The following CALD1 variants were observed in gnomAD, a reference collection of about 807,000 sequenced individuals.
CALD1 encodes the protein caldesmon.
Under a neutral mutation model 99.9 loss-of-function variants are expected in CALD1, and 33 were observed. That is an observed-to-expected ratio of 0.33 (90% CI 0.25 to 0.44). The LOEUF (loss-of-function observed/expected upper bound fraction) is 0.44. Ranked by LOEUF, CALD1 falls within the 20% of genes least tolerant of loss-of-function variation. The probability of loss-of-function intolerance (pLI) is 1.00; values close to 1 mark genes in which losing one functional copy is unlikely to be tolerated. For missense variants in CALD1, 861 were observed against 962.1 expected (o/e 0.89, Z 1.39); for synonymous variants, 310 against 325.0 (o/e 0.95, Z 0.50).
Position 134,947,649 on chromosome 7 carries a change from G to C in CALD1, c.1674G>C (p.Gln558His). 6.3e-7 allele frequency: 1 copy of C among 1,579,800 alleles called. No individual in the cohort carries two copies. Among genetic ancestry groups the C allele is most frequent in the Middle Eastern group, 1.7e-4 (1 of 6,012 alleles). The part of the protein sequence containing the change: ...SEEFEKLKQK[Q>H]QEAALELEEL... The stretch of plus-strand genomic sequence containing the variant: ...AGTTCGAGAAGCTCAAACAGAAGCA[G>C]CAGGAGGCGGCTTTGGAGCTGGAGG... Residue 558 changes from glutamine (Q) to histidine (H), a missense_variant, in exon 8 of 15, where the codon CAG becomes CAC. By Grantham distance (24) the Gln-to-His change is conservative. Around this residue, in one of 5 missense-constraint regions of CALD1, gnomAD observed 293 missense variants for 262.7 expected, o/e 1.12. Transcript: ENST00000361675.
intron 3 of CALD1, among the ~76,000 whole-genome samples, chr7:134,871,797 A>G (rs1801093087): frequency 6.6e-6 from 1 of 152,234 alleles, no homozygotes; most frequent in Non-Finnish European, 1.5e-5. Context: ...CTTTGAAATG[A>G]TAAATAATTT....
chr7:134,751,145 A>C (rs570206513), intron 1 of CALD1, among the ~76,000 whole-genome samples: 38 of 152,310 alleles, frequency 2.5e-4, no homozygotes, highest in Admixed American at 1.3e-3. Context: ...CCACCTGTAC[A>C]TGTCCTTGTG....
chr7:134,914,834 C>G (rs1159202772), intron 3 of CALD1, among the ~76,000 whole-genome samples: 1 of 152,184 alleles, frequency 6.6e-6, no homozygotes, highest in Non-Finnish European at 1.5e-5. Context: ...TGCCTTCTTC[C>G]TCCTCTAAAC....
chr7:134,872,478 G>C (rs981722324), intron 3 of CALD1, among the ~76,000 whole-genome samples: 2 of 151,394 alleles, frequency 1.3e-5, no homozygotes, highest in African/African-American at 4.9e-5. Context: ...CTGAGTTCTT[G>C]AGATAAGGTC....
chr7:134,928,007 G>GA (rs1415459671), intron 3 of CALD1: 1 of 55,984 alleles, frequency 1.8e-5, no homozygotes, highest in Non-Finnish European at 3.8e-5. Context: ...CCAAAGTCCC[G>GA]GTTGGTAGTG....
chr7:134,880,434 C>A (rs1276817523), intron 3 of CALD1, among the ~76,000 whole-genome samples: 1 of 152,096 alleles, frequency 6.6e-6, no homozygotes, highest in Non-Finnish European at 1.5e-5. Flanking sequence ...AAGAAGTGAG[C>A]AAATAAACAA....
intron 1 of CALD1, among the ~76,000 whole-genome samples, chr7:134,767,195 CTGTGTGTGTG>C (rs34026828): frequency 1.0e-4 from 15 of 149,000 alleles, no homozygotes; most frequent in African/African-American, 3.2e-4. Flanking sequence ...CTCTCTGTCT[CTGTGTGTGTG>C]TGTGTGTGTG....
intron 1 of CALD1, among the ~76,000 whole-genome samples, chr7:134,841,136 AGTACTGTGGCAAATCT>A (rs1381616563): frequency 1.3e-5 from 2 of 152,308 alleles, no homozygotes; most frequent in Non-Finnish European, 2.9e-5. Flanking sequence ...ATCTGAATTG[AGTACTGTGGCAAATCT>A]ATTCCAAATG....
At chr7:134,865,950 A>C (rs1800783773) in intron 2 of CALD1, among the ~76,000 whole-genome samples, 1 of 152,140 alleles carries the variant, frequency 6.6e-6, no homozygotes, top group Admixed American at 6.5e-5. Flanking sequence ...TTATAGACGG[A>C]CCTCTTTTTC....
intron 1 of CALD1, among the ~76,000 whole-genome samples, 178 bp from the exon 2 acceptor site, chr7:134,843,706 A>T (rs1211061839): frequency 6.6e-6 from 1 of 152,208 alleles, no homozygotes; most frequent in Non-Finnish European, 1.5e-5. Flanking sequence ...ACTTTGCGAT[A>T]ACTGTATTTT....
At chr7:134,910,547 A>C (rs551265194) in intron 3 of CALD1, among the ~76,000 whole-genome samples, 19 of 152,188 alleles carry the variant, frequency 1.2e-4, no homozygotes, top group Non-Finnish European at 2.2e-4. Context: ...GGAGGTAAAA[A>C]GGCATGTGCT....
chr7:134,853,416 T>C (rs896508617), intron 2 of CALD1, among the ~76,000 whole-genome samples: 4 of 152,224 alleles, frequency 2.6e-5, no homozygotes, highest in African/African-American at 7.2e-5. Flanking sequence ...CATGTCTCTA[T>C]ATATATTAAT....
At chr7:134,806,409 C>T (rs1227017323) in intron 1 of CALD1, among the ~76,000 whole-genome samples, 1 of 152,302 alleles carries the variant, frequency 6.6e-6, no homozygotes, top group East Asian at 1.9e-4. Context: ...TGTGGCTTTA[C>T]ACAGGCGCTC....
At chr7:134,759,587 T>C (rs1358043396) in intron 1 of CALD1, among the ~76,000 whole-genome samples, 2 of 152,186 alleles carry the variant, frequency 1.3e-5, no homozygotes, top group Non-Finnish European at 2.9e-5. Context: ...TGCGCATGTG[T>C]GTGCAGGGGT....
intron 2 of CALD1, among the ~76,000 whole-genome samples, chr7:134,848,190 T>C (rs1011691456): frequency 2.6e-5 from 4 of 151,850 alleles, no homozygotes; most frequent in Non-Finnish European, 5.9e-5. Flanking sequence ...TTTTTTTTAA[T>C]AGACGTTTCC....
At chr7:134,918,669 G>A (rs1385640392) in intron 3 of CALD1, among the ~76,000 whole-genome samples, 1 of 152,180 alleles carries the variant, frequency 6.6e-6, no homozygotes, top group African/African-American at 2.4e-5. Context: ...TGGGTAGTAG[G>A]CACATGGTTG....
At chr7:134,745,541 A>G (rs540621209) in intron 1 of CALD1, 2 of 152,298 alleles carry the variant, frequency 1.3e-5, no homozygotes, top group Admixed American at 1.3e-4. Context: ...AAGCAGAAAG[A>G]TTTGGGAGCT....
chr7:134,809,938 G>A (rs913295083), intron 1 of CALD1, among the ~76,000 whole-genome samples: 1 of 152,102 alleles, frequency 6.6e-6, no homozygotes, highest in African/African-American at 2.4e-5. Flanking sequence ...GAACACCCTT[G>A]AGTTTAAGGG....
At chr7:134,780,677 G>C (rs1797072940) in intron 1 of CALD1, among the ~76,000 whole-genome samples, 1 of 152,180 alleles carries the variant, frequency 6.6e-6, no homozygotes, top group Admixed American at 6.5e-5. Flanking sequence ...TGATGGCAAG[G>C]GGTGGGGGAA....
Sources: allele counts gnomAD v4.1 joint callset (sites outside exome capture counted in the v4.1 genomes callset), GRCh38; gene constraint gnomAD v4.1.1; regional missense constraint gnomAD v4.1.1; transcripts MANE v1.5; gene names NCBI Gene and HGNC (gene_info 2026-07-23, HGNC 2026-07-21).